AGAP1: variants seen among roughly 807,000 people sequenced by gnomAD.
The protein encoded by AGAP1 is ArfGAP with GTPase domain, ankyrin repeat and PH domain 1.
A neutral mutation model predicts 105.3 loss-of-function variants in AGAP1; 29 were observed. That is an observed-to-expected ratio of 0.28 (90% confidence interval 0.21 to 0.38). The LOEUF (loss-of-function observed/expected upper bound fraction) is 0.38. Among genes scored for constraint, AGAP1 ranks in the 10% least tolerant of loss-of-function variants. AGAP1 has a pLI of 1.00. For missense variants in AGAP1, 998 were observed against 1,165.1 expected (o/e 0.86, Z 2.09); for synonymous variants, 509 against 485.9 (o/e 1.05, Z -0.63).
At position 236,101,979 on chromosome 2, in the gene AGAP1, C is replaced by T. The variant is rs778796833; in HGVS notation, c.2115-18213C>T. The stretch of plus-strand genomic sequence containing the variant: ...AGTTTCCAAATGAAGTCACAAACTT[C>T]CCTTATAAAACTTCCTTTGAGGCTG... On this transcript the variant is annotated intron_variant, in intron 16 of 17. Coordinates refer to ENST00000304032, the MANE Select transcript of AGAP1 (RefSeq NM_001037131.3). This position sits in a 1 kb window ranked among gnomAD's most constrained non-coding sequence, Gnocchi z 4.9. Among the ~76,000 whole-genome samples the T allele has an allele frequency of 2.0e-5, 3 of 152,194 alleles. No individual in the cohort carries two copies. Among genetic ancestry groups the T allele is most frequent in the Admixed American group, 6.5e-5 (1 of 15,284 alleles).
chr2:235,521,482 G>A (rs1051592162), intron 1 of AGAP1, among the ~76,000 whole-genome samples: 5 of 152,008 alleles, frequency 3.3e-5, no homozygotes. Flanking sequence ...TTTTTAATAA[G>A]TATTGTTTAT....
chr2:236,131,727 A>C lies in AGAP1; in HGVS notation c.*7605A>C, dbSNP rs902286741. On this transcript the variant is annotated 3_prime_UTR_variant, in exon 18 of 18. Coordinates refer to ENST00000304032, the MANE Select transcript of AGAP1 (RefSeq NM_001037131.3). This position sits in a 1 kb window ranked among gnomAD's most constrained non-coding sequence, Gnocchi z 5.9. ...GGGAAAAAGAAAAAGAAAGATGTGT[A>C]AAGTAACAGAGAGAGGTGGCTATGG... 4 of 152,174 alleles carry C rather than the reference A, an allele frequency of 2.6e-5. No individual in the cohort carries two copies. The highest frequency in any genetic ancestry group is 9.7e-5 in the African/African-American group (4 of 41,448). The allele number at this position is 152,174 out of a possible 1,614,324, so 9.4% of individuals were successfully genotyped here. A position where few individuals can be genotyped will look rare whatever the true frequency, so the allele number is the denominator to read the frequency against.
chr2:235,761,014 G>C (rs781191071), intron 6 of AGAP1, among the ~76,000 whole-genome samples: 35 of 152,198 alleles, frequency 2.3e-4, no homozygotes, highest in Non-Finnish European at 3.8e-4. Context: ...ATACGCTACA[G>C]ATGGCACCTG....
intron 1 of AGAP1, among the ~76,000 whole-genome samples, chr2:235,702,457 G>T (rs140061552): frequency 1.1e-3 from 170 of 152,306 alleles, no homozygotes; most frequent in African/African-American, 3.9e-3. Flanking sequence ...GGAAGGTGGG[G>T]CTTCCTCATC....
chr2:235,500,598 A>G (rs1338959000), intron 1 of AGAP1, among the ~76,000 whole-genome samples: 1 of 152,218 alleles, frequency 6.6e-6, no homozygotes, highest in Admixed American at 6.5e-5. Flanking sequence ...GAAGACACCT[A>G]AGGCCAGCTG....
chr2:235,868,971 T>C (rs1158905735), intron 9 of AGAP1, among the ~76,000 whole-genome samples: 6 of 152,224 alleles, frequency 3.9e-5, no homozygotes, highest in Non-Finnish European at 1.5e-5. Flanking sequence ...GGAATCCTGA[T>C]ATTTTGGTTA....
At chr2:236,077,752 T>C (rs1576246657) in intron 16 of AGAP1, among the ~76,000 whole-genome samples, 1 of 152,208 alleles carries the variant, frequency 6.6e-6, no homozygotes, top group African/African-American at 2.4e-5. Context: ...TTGAGCACAT[T>C]TGTGAATACA....
At chr2:235,909,524 C>T (rs993601232) in intron 11 of AGAP1, among the ~76,000 whole-genome samples, 5 of 152,108 alleles carry the variant, frequency 3.3e-5, no homozygotes, top group African/African-American at 4.8e-5. Flanking sequence ...ATTTTATTTA[C>T]GTTTTTGCAA....
intron 13 of AGAP1, among the ~76,000 whole-genome samples, chr2:236,019,447 G>C (rs756940460): frequency 6.6e-6 from 1 of 152,222 alleles, no homozygotes; most frequent in Non-Finnish European, 1.5e-5. Flanking sequence ...GATGTGACAG[G>C]AACCACAGTG....
At chr2:236,088,906 A>T (rs1319211781) in intron 16 of AGAP1, among the ~76,000 whole-genome samples, 1 of 152,220 alleles carries the variant, frequency 6.6e-6, no homozygotes, top group Non-Finnish European at 1.5e-5. Context: ...TAGTTGCTTA[A>T]CAGGGCATTC....
intron 11 of AGAP1, among the ~76,000 whole-genome samples, chr2:235,928,961 C>T (rs977938699): frequency 6.6e-6 from 1 of 152,216 alleles, no homozygotes; most frequent in African/African-American, 2.4e-5. Context: ...ATGGCACTGT[C>T]ATTCAAGATG....
Position 235,741,040 on chromosome 2 carries a change from G to C in AGAP1, c.388G>C (p.Glu130Gln), listed in dbSNP as rs1296451458. ...LLIRDEGGPPEAQFAMWVDAV... is the reference protein window; with the variant it reads ...LLIRDEGGPPQAQFAMWVDAV... ...GATCAGAGATGAAGGGGGCCCCCCG[G>C]AGGCGCAGGTGAGTATACATGCATG... The change falls in exon 4 of 18, where the codon GAG becomes CAG. Residue 130 changes from glutamate (E) to glutamine (Q), a missense_variant. Glu to Gln is a conservative substitution (Grantham distance 29, BLOSUM62 2). Around this residue, in one of 3 missense-constraint regions of AGAP1, gnomAD observed 735 missense variants for 833.4 expected, o/e 0.88. Coordinates refer to ENST00000304032, the MANE Select transcript of AGAP1 (RefSeq NM_001037131.3). The surrounding 1 kb of genome is among the most constrained non-coding windows in gnomAD (Gnocchi z 4.9). 1.2e-6 allele frequency: 2 copies of C among 1,613,984 alleles called. No individual in the cohort carries two copies. The highest frequency in any genetic ancestry group is 1.7e-6 in the Non-Finnish European group (2 of 1,179,970).
chr2:235,866,770 G>T lies in AGAP1; in HGVS notation c.1051-16575G>T, dbSNP rs1417317837. Among the ~76,000 whole-genome samples the T allele has an allele frequency of 6.6e-6, 1 of 152,220 alleles. No homozygotes were observed. Among genetic ancestry groups the T allele is most frequent in the African/African-American group, 2.4e-5 (1 of 41,462 alleles). The stretch of plus-strand genomic sequence containing the variant: ...CTCCTGAAGCCTCTCTCCTTGGCTT[G>T]CAGACAGCCATCTTCTCCCTGTGTC... On this transcript the variant is annotated intron_variant, in intron 9 of 17. Coordinates refer to ENST00000304032, the MANE Select transcript of AGAP1 (RefSeq NM_001037131.3). The surrounding 1 kb of genome is among the most constrained non-coding windows in gnomAD (Gnocchi z 6.1).
At chr2:236,106,926 C>G (rs529724141) in intron 16 of AGAP1, among the ~76,000 whole-genome samples, 1 of 151,512 alleles carries the variant, frequency 6.6e-6, no homozygotes, top group Admixed American at 6.6e-5. Context: ...GCTGCCCTGG[C>G]CTATGGTGCA....
rs568122579 is a variant in AGAP1 at position 235,620,254 on chromosome 2, C to T, written c.164-88925C>T. ...CTGAGCCACCTCAGCCATTAGCACC[C>T]TGGTCCCGGGCAGCAGCGTTGCTTG... On this transcript the variant is annotated intron_variant, in intron 1 of 17. Transcript: ENST00000304032. This position sits in a 1 kb window ranked among gnomAD's most constrained non-coding sequence, Gnocchi z 4.5. Among the ~76,000 whole-genome samples the T allele has an allele frequency of 2.0e-5, 3 of 152,322 alleles. No individual in the cohort carries two copies. The South Asian group carries it at 6.2e-4, about 32-fold the overall frequency.
intron 9 of AGAP1, among the ~76,000 whole-genome samples, chr2:235,838,332 A>G (rs1960409323): frequency 6.6e-6 from 1 of 152,202 alleles, no homozygotes; most frequent in Admixed American, 6.5e-5. Context: ...CCATTGGTGA[A>G]TATTTTGCCT....
At chr2:235,941,509 G>A (rs1408741250) in intron 12 of AGAP1, among the ~76,000 whole-genome samples, 1 of 152,152 alleles carries the variant, frequency 6.6e-6, no homozygotes, top group Non-Finnish European at 1.5e-5. Flanking sequence ...GCTTTGTCAG[G>A]TGGTGAAAAG....
At chr2:235,924,204 A>G (rs2052334643) in intron 11 of AGAP1, among the ~76,000 whole-genome samples, 1 of 152,168 alleles carries the variant, frequency 6.6e-6, no homozygotes, top group Admixed American at 6.5e-5. Context: ...GACTTAAGGC[A>G]GTATCTCCCC....
rs1030412061 is a variant in AGAP1 at position 235,600,463 on chromosome 2, C to T, written c.163+105614C>T. The stretch of plus-strand genomic sequence containing the variant: ...CCTCATTACAGACCCCCACCATCCC[C>T]GCTGGATTAGGGTTCTCTAGAGGGA... On this transcript the variant is annotated intron_variant, in intron 1 of 17. Coordinates refer to ENST00000304032, the MANE Select transcript of AGAP1 (RefSeq NM_001037131.3). This position sits in a 1 kb window ranked among gnomAD's most constrained non-coding sequence, Gnocchi z 4.8. Among the ~76,000 whole-genome samples the T allele has an allele frequency of 3.3e-5, 5 of 151,942 alleles. No homozygotes were observed. Among genetic ancestry groups the T allele is most frequent in the Admixed American group, 6.5e-5 (1 of 15,270 alleles).
Sources: gnomAD v4.1 joint callset for allele counts (sites outside exome capture counted in the v4.1 genomes callset) on GRCh38, gnomAD v4.1.1 for gene constraint, gnomAD v4.1.1 regional missense constraint, Gnocchi (gnomAD v3.1) non-coding constraint, MANE v1.5 for transcripts, NCBI Gene and HGNC (gene_info 2026-07-23, HGNC 2026-07-21) for gene names.